EBF4: variants seen among roughly 807,000 people sequenced by gnomAD.
EBF4 encodes the protein EBF transcription factor 4, also known as transcription factor COE4.
EBF4 carries 34 observed loss-of-function variants against 67.1 expected under a neutral mutation model. That is an observed-to-expected ratio of 0.51 (90% CI 0.39 to 0.67). The LOEUF (loss-of-function observed/expected upper bound fraction) is 0.67, where lower values mean the gene tolerates loss of function less well. EBF4 is among the 30% of genes least tolerant of loss of function. The pLI, the probability that EBF4 is intolerant of heterozygous loss-of-function variation, is 0.00. For missense variants in EBF4, 837 were observed against 873.3 expected (o/e 0.96, Z 0.52); for synonymous variants, 387 against 377.7 (o/e 1.02, Z -0.29).
intron 6 of EBF4, among the ~76,000 whole-genome samples, chr20:2,729,570 TG>T (rs1314274993): frequency 6.6e-6 from 1 of 152,000 alleles, no homozygotes; most frequent in Non-Finnish European, 1.5e-5. Flanking sequence ...CCCATTGAGA[TG>T]GGGGGAGCTA....
chr20:2,705,246 A>T (rs936020009), intron 1 of EBF4, among the ~76,000 whole-genome samples: 2 of 152,246 alleles, frequency 1.3e-5, no homozygotes, highest in African/African-American at 2.4e-5. Flanking sequence ...AGATTGGTTC[A>T]TACTTTTGAT....
rs1057213548 is a variant in EBF4, at chr20:2,745,186, C to T, written c.558-3363C>T. 6.6e-6 allele frequency among the ~76,000 whole-genome samples: 1 copy of T among 152,208 alleles called. No individual in the cohort carries two copies. Among genetic ancestry groups the T allele is most frequent in the Non-Finnish European group, 1.5e-5 (1 of 68,046 alleles). On this transcript the variant is annotated intron_variant, in intron 6 of 16. Coordinates refer to ENST00000609451, the Ensembl canonical transcript of EBF4. The surrounding 1 kb of genome is among the most constrained non-coding windows in gnomAD (Gnocchi z 5.2). The stretch of plus-strand genomic sequence containing the variant: ...CTGAGGGGAGGCCTGAGATTCTACA[C>T]TTGTAGCAAGGTCTCAGGTGACGCT...
chr20:2,706,567 A>G (rs2087462385), intron 4 of EBF4, among the ~76,000 whole-genome samples: 1 of 152,146 alleles, frequency 6.6e-6, no homozygotes, highest in African/African-American at 2.4e-5. Flanking sequence ...GGCTCCTAGG[A>G]GCAGGGGAGG....
At chr20:2,757,974 T>C (rs117501903) in intron 15 of EBF4, among the ~76,000 whole-genome samples, 1,697 of 152,204 alleles carry the variant, frequency 0.011, 18 homozygotes, top group Middle Eastern at 0.024. Context: ...AGTAAATAAA[T>C]AAATAACATA....
At chr20:2,723,915 A>ATG (rs1416617922) in intron 6 of EBF4, among the ~76,000 whole-genome samples, 1 of 151,858 alleles carries the variant, frequency 6.6e-6, no homozygotes, top group Admixed American at 6.5e-5. Flanking sequence ...ATTTCATTTG[A>ATG]TGTGTGTGTG....
intron 6 of EBF4, among the ~76,000 whole-genome samples, chr20:2,746,969 GCAGACACTGAT>G (rs770754042): frequency 2.8e-4 from 43 of 152,164 alleles, no homozygotes; most frequent in Non-Finnish European, 5.7e-4. Flanking sequence ...AAGGCATAAG[GCAGACACTGAT>G]CATATTCCGA....
At position 2,751,309 on chromosome 20, in the gene EBF4, T is replaced by G. The variant is rs2146503453; in HGVS notation, c.1019-391T>G. On this transcript the variant is annotated intron_variant, in intron 10 of 16. Transcript: ENST00000609451. This position sits in a 1 kb window ranked among gnomAD's most constrained non-coding sequence, Gnocchi z 5.2. The stretch of plus-strand genomic sequence containing the variant: ...AAATGGAGATTGTTAAGTTTTTTCT[T>G]TTTTATAATAAACTCCTGATTTGAC... Among the ~76,000 whole-genome samples the G allele has an allele frequency of 6.6e-6, 1 of 152,306 alleles. No individual in the cohort carries two copies. Among genetic ancestry groups the G allele is most frequent in the South Asian group, 2.1e-4 (1 of 4,824 alleles).
At chr20:2,743,309 C>T (rs528641556) in intron 6 of EBF4, among the ~76,000 whole-genome samples, 5 of 152,172 alleles carry the variant, frequency 3.3e-5, no homozygotes, top group Non-Finnish European at 5.9e-5. Context: ...CCCGGAGGGT[C>T]GGCAGTCTCT....
chr20:2,726,733 A>C (rs1257084166), intron 6 of EBF4, among the ~76,000 whole-genome samples: 2 of 152,072 alleles, frequency 1.3e-5, no homozygotes, highest in African/African-American at 4.8e-5. Context: ...TTACAATTAG[A>C]TTATCTAGAT....
At chr20:2,703,573 C>T (rs747564527) in intron 1 of EBF4, among the ~76,000 whole-genome samples, 4 of 151,754 alleles carry the variant, frequency 2.6e-5, no homozygotes, top group Admixed American at 1.3e-4. Context: ...ACTGAGGCAG[C>T]GGGATCATTT....
rs763853177 is a variant in EBF4, at chr20:2,755,766, G to C, written c.1680G>C (p.Leu560=). The C allele has an allele frequency of 1.3e-6, 2 of 1,550,294 alleles. No homozygotes were observed. Among genetic ancestry groups the C allele is most frequent in the South Asian group, 2.4e-5 (2 of 84,048 alleles). The change falls in exon 15 of 17, where the codon CTG becomes CTC. Residue 560 remains leucine (L), a synonymous_variant. Transcript: ENST00000609451. This position sits in a 1 kb window ranked among gnomAD's most constrained non-coding sequence, Gnocchi z 4.7. ...AGAGGAGCGCCTTCGCCCCCGTGCTGCGCCCCCCAAGCTCCCCACCCCAGG... is the reference window on the plus strand; with the variant it reads ...AGAGGAGCGCCTTCGCCCCCGTGCTCCGCCCCCCAAGCTCCCCACCCCAGG...
intron 1 of EBF4, among the ~76,000 whole-genome samples, chr20:2,698,796 TAGGACC>T: frequency 6.6e-6 from 1 of 151,896 alleles, no homozygotes; most frequent in South Asian, 2.1e-4. Context: ...AAAGACAAAT[TAGGACC>T]AGGGCAAGGC....
chr20:2,709,616 G>A (rs570961197), exon 6 of EBF4: 445 of 1,555,892 alleles, frequency 2.9e-4, no homozygotes, highest in Middle Eastern at 3.3e-4. Flanking sequence ...GGAATGAGAC[G>A]CCCTCAGACC....
intron 14 of EBF4, among the ~76,000 whole-genome samples, chr20:2,753,133 G>A (rs1202297363): frequency 1.3e-5 from 2 of 152,246 alleles, no homozygotes; most frequent in African/African-American, 4.8e-5. Context: ...CATTCAGCAA[G>A]TTACTTATTT....
upstream of EBF4, chr20:2,693,528 A>G (rs55820831): frequency 0.18 from 221,256 of 1,220,232 alleles, 20,778 homozygotes; most frequent in East Asian, 0.33. The surrounding 1 kb of genome is among the most constrained non-coding windows in gnomAD (Gnocchi z 4.6). Context: ...AGCCACCCGG[A>G]CTCGGCGCTG....
At chr20:2,758,227 C>T (rs541349224) in intron 15 of EBF4, among the ~76,000 whole-genome samples, 2 of 152,336 alleles carry the variant, frequency 1.3e-5, no homozygotes, top group East Asian at 1.9e-4. Flanking sequence ...TCCATCCAAC[C>T]GAGCAAAGCC....
In EBF4 at chr20:2,708,027, T is replaced by C; in HGVS notation, c.488+7T>C. On this transcript the variant is annotated splice_region_variant and intron_variant, in intron 5 of 16. Coordinates refer to ENST00000609451, the Ensembl canonical transcript of EBF4. The stretch of plus-strand genomic sequence containing the variant: ...CCCATGAGATCATGTGCAGGTGAGA[T>C]GGCCATGTCACTCACACCTCACCCC... 1 of 1,605,406 alleles carries C rather than the reference T, an allele frequency of 6.2e-7. No individual in the cohort carries two copies. The highest frequency in any genetic ancestry group is 8.5e-7 in the Non-Finnish European group (1 of 1,175,292).
chr20:2,693,813 G>A lies in EBF4; in HGVS notation c.137+31G>A. On this transcript the variant is annotated intron_variant, in intron 1 of 16. Coordinates refer to ENST00000609451, the Ensembl canonical transcript of EBF4. This position sits in a 1 kb window ranked among gnomAD's most constrained non-coding sequence, Gnocchi z 4.6. ...CGCTCGGACCGGACCCGGTGCGCTC[G>A]GGTTGGACGGCTGCGCGCCGCCTCA... The A allele has an allele frequency of 4.0e-6, 5 of 1,263,962 alleles. No individual in the cohort carries two copies. The highest frequency in any genetic ancestry group is 5.0e-6 in the Non-Finnish European group (5 of 1,003,828). 78.3% of individuals were successfully genotyped at this position (1,263,962 alleles called of 1,614,324 possible). A position where few individuals can be genotyped will look rare whatever the true frequency, so the allele number is the denominator to read the frequency against.
chr20:2,726,185 G>A (rs1434986850), intron 6 of EBF4, among the ~76,000 whole-genome samples: 1 of 151,974 alleles, frequency 6.6e-6, no homozygotes, highest in Middle Eastern at 3.2e-3. Context: ...AAATGTAATT[G>A]TATGTTTTTC....
Sources: allele counts gnomAD v4.1 joint callset (sites outside exome capture counted in the v4.1 genomes callset), GRCh38; gene constraint gnomAD v4.1.1; non-coding constraint Gnocchi (gnomAD v3.1); transcripts MANE v1.5; gene names NCBI Gene and HGNC (gene_info 2026-07-23, HGNC 2026-07-21).